The following ARHGEF17 variants were observed in gnomAD, a reference collection of about 807,000 sequenced individuals.
The protein encoded by ARHGEF17 is 164 kDa Rho-specific guanine-nucleotide exchange factor.
In ARHGEF17, 80 loss-of-function variants were observed where a neutral mutation model predicts 174.0. That is an observed-to-expected ratio of 0.46 (90% CI 0.38 to 0.55). The LOEUF (loss-of-function observed/expected upper bound fraction) is 0.55, where lower values mean the gene tolerates loss of function less well. ARHGEF17 is among the 20% of genes least tolerant of loss of function. The pLI is 0.00. For synonymous variants in ARHGEF17, 1,311 were observed against 1,189.1 expected, an observed-to-expected ratio of 1.10 and a Z score of -2.11; for missense variants, 2,886 against 2,839.7, an observed-to-expected ratio of 1.02 and a Z score of -0.37.
intron 20 of ARHGEF17, among the ~76,000 whole-genome samples, chr11:73,367,324 G>GA (rs969258744): frequency 1.3e-5 from 2 of 152,096 alleles, no homozygotes; most frequent in Non-Finnish European, 2.9e-5. Flanking sequence ...ATTGTAAAAA[G>GA]AAAAAAATCA....
In ARHGEF17 at chr11:73,311,665, G is replaced by C; in HGVS notation, c.3027G>C (p.Gln1009His). 1 of 1,613,444 alleles carries C rather than the reference G, an allele frequency of 6.2e-7. No homozygotes were observed. The highest frequency in any genetic ancestry group is 1.6e-4 in the Middle Eastern group (1 of 6,062). The change falls in exon 1 of 21, where the codon CAG becomes CAC. Residue 1009 changes from glutamine (Q) to histidine (H), a missense_variant. Around this residue, in one of 4 missense-constraint regions of ARHGEF17, gnomAD observed 1,728 missense variants for 1,461.2 expected, o/e 1.18. Coordinates refer to ENST00000263674, the MANE Select transcript of ARHGEF17 (RefSeq NM_014786.4). ...QAPSLEDVTK[Q>H]YMLNLHSGEV... ...CATCGCTCGAGGACGTCACCAAGCA[G>C]TACATGCTGAACCTGCACTCCGGTG...
At chr11:73,328,249 G>A (rs79750886) in intron 1 of ARHGEF17, among the ~76,000 whole-genome samples, 1,806 of 152,308 alleles carry the variant, frequency 0.012, 41 homozygotes, top group African/African-American at 0.041. Context: ...CCCACGGGCA[G>A]CTGTCCAAAG....
Position 73,357,327 on chromosome 11 carries a change from G to A in ARHGEF17, c.4087G>A (p.Gly1363Arg), listed in dbSNP as rs1303580725. The A allele has an allele frequency of 1.9e-6, 3 of 1,613,340 alleles. No homozygotes were observed. The highest frequency in any genetic ancestry group is 2.5e-6 in the Non-Finnish European group (3 of 1,179,636). Residue 1363 changes from glycine to arginine, a missense_variant and splice_region_variant, in exon 9 of 21, where the codon GGG (glycine) becomes AGG (arginine). By Grantham distance (125) the Gly-to-Arg change is moderately radical (BLOSUM62 -2). This residue lies in a region of ARHGEF17 where 353 missense variants were observed against 470.3 expected (regional missense o/e 0.75). Coordinates refer to ENST00000263674, the MANE Select transcript of ARHGEF17 (RefSeq NM_014786.4). ...GCTGGAAGACGCAGACATCATCAAAGGTGGGTTTGATGCTAGGGGTTCTGG... is the reference window on the plus strand; with the variant it reads ...GCTGGAAGACGCAGACATCATCAAAAGTGGGTTTGATGCTAGGGGTTCTGG... ...LPLEDADIIK[G>R]ASQATNRENI...
intron 1 of ARHGEF17, among the ~76,000 whole-genome samples, chr11:73,315,248 T>C (rs1254055349): frequency 6.6e-6 from 1 of 152,132 alleles, no homozygotes; most frequent in Non-Finnish European, 1.5e-5. Flanking sequence ...AACACTTTCA[T>C]AGTGGTTATT....
At chr11:73,362,943 C>T (rs1380935432) in intron 14 of ARHGEF17, among the ~76,000 whole-genome samples, 2 of 152,212 alleles carry the variant, frequency 1.3e-5, no homozygotes, top group African/African-American at 4.8e-5. Flanking sequence ...CTGGAGCACT[C>T]AGCTAAGGAA....
At chr11:73,336,454 T>G (rs995597131) in intron 1 of ARHGEF17, among the ~76,000 whole-genome samples, 1 of 151,798 alleles carries the variant, frequency 6.6e-6, no homozygotes, top group African/African-American at 2.4e-5. Context: ...GGGCTAAGAG[T>G]GCACCAGCAA....
chr11:73,309,558 G>C lies in ARHGEF17; in HGVS notation c.920G>C (p.Arg307Thr). The C allele has an allele frequency of 1.9e-6, 3 of 1,606,280 alleles. No homozygotes were observed. Among genetic ancestry groups the C allele is most frequent in the Non-Finnish European group, 2.6e-6 (3 of 1,174,648 alleles). The change falls in exon 1 of 21, where the codon AGG becomes ACG. Residue 307 changes from arginine to threonine, a missense_variant. Arg to Thr is a moderately conservative substitution (Grantham distance 71, BLOSUM62 -1). This residue lies in a region of ARHGEF17 where 1,728 missense variants were observed against 1,461.2 expected (regional missense o/e 1.18). Coordinates refer to ENST00000263674, the MANE Select transcript of ARHGEF17 (RefSeq NM_014786.4). ...AGCTCCCTATTGGATCAGGACTGCA[G>C]GCCTGACAGTGATGGGTTAAATCTA... ...PGSSLLDQDC[R>T]PDSDGLNLSS...
chr11:73,320,264 A>G (rs1461371974), intron 1 of ARHGEF17, among the ~76,000 whole-genome samples: 1 of 152,124 alleles, frequency 6.6e-6, no homozygotes, highest in Non-Finnish European at 1.5e-5. Flanking sequence ...GACCCAGGCA[A>G]GCACTTACCT....
chr11:73,362,380 C>T (rs1865757411), intron 13 of ARHGEF17, 53 bp from the exon 14 acceptor site: 5 of 1,474,238 alleles, frequency 3.4e-6, no homozygotes, highest in South Asian at 1.4e-5. Flanking sequence ...TGTCCACCAC[C>T]GGGGCCCCGT....
intron 1 of ARHGEF17, among the ~76,000 whole-genome samples, chr11:73,317,457 T>TC (rs1291851541): frequency 2.0e-4 from 31 of 152,216 alleles, no homozygotes; most frequent in African/African-American, 6.8e-4. Context: ...GTGTCCTGAC[T>TC]CCCAGACCGT....
rs754527923 is a variant in ARHGEF17 at position 73,363,784 on chromosome 11, C to T, written c.5284C>T (p.Arg1762Cys). The change falls in exon 16 of 21, where the codon CGC (arginine) becomes TGC (cysteine). Residue 1762 changes from arginine to cysteine, a missense_variant. Arg to Cys is a radical substitution (Grantham distance 180). Around this residue, in one of 4 missense-constraint regions of ARHGEF17, gnomAD observed 329 missense variants for 435.2 expected, o/e 0.76. Coordinates refer to ENST00000263674, the MANE Select transcript of ARHGEF17 (RefSeq NM_014786.4). The stretch of plus-strand genomic sequence containing the variant: ...CCAGTCCTCCGACAGCATCCGTGAC[C>T]GCAGGAACAGCATGAAGCTCCAGCA... ...VYQSSDSIRD[R>C]RNSMKLQHAA... 3.7e-6 allele frequency: 6 copies of T among 1,614,078 alleles called. No homozygotes were observed. The highest frequency in any genetic ancestry group is 5.1e-6 in the Non-Finnish European group (6 of 1,180,014).
chr11:73,334,299 A>G (rs553117075), intron 1 of ARHGEF17, among the ~76,000 whole-genome samples: 6 of 152,340 alleles, frequency 3.9e-5, no homozygotes, highest in Admixed American at 1.3e-4. Flanking sequence ...GAGGCAGAGC[A>G]TAAAAGTTAG....
At position 73,309,336 on chromosome 11, in the gene ARHGEF17, C is replaced by G; in HGVS notation, c.698C>G (p.Ser233Cys). 3.7e-6 allele frequency: 6 copies of G among 1,610,412 alleles called. No individual in the cohort carries two copies. Among genetic ancestry groups the G allele is most frequent in the Non-Finnish European group, 5.1e-6 (6 of 1,179,024 alleles). The change falls in exon 1 of 21, where the codon TCC becomes TGC. Residue 233 changes from serine (S) to cysteine (C), a missense_variant. By Grantham distance (112) the Ser-to-Cys change is moderately radical (BLOSUM62 -1). Coordinates refer to ENST00000263674, the MANE Select transcript of ARHGEF17 (RefSeq NM_014786.4). The part of the protein sequence containing the change: ...PQAGARASCS[S>C]SSIAASYPVS... ...GCCGGGGCCCGGGCCTCCTGCTCCT[C>G]CTCCTCCATCGCCGCCTCCTATCCT...
At chr11:73,361,932 A>ATGCAGG in intron 12 of ARHGEF17, 108 bp from the exon 13 acceptor site, 1 of 1,305,270 alleles carries the variant, frequency 7.7e-7, no homozygotes, top group Non-Finnish European at 1.1e-6. Flanking sequence ...ACACACACAC[A>ATGCAGG]CCCATGCAGG....
chr11:73,329,369 A>ATT (rs1865163692), intron 1 of ARHGEF17, among the ~76,000 whole-genome samples: 1 of 2,916 alleles, frequency 3.4e-4, no homozygotes. Context: ...ATATATATAT[A>ATT]TATATTTTTT....
At chr11:73,314,502 T>C (rs1864896681) in intron 1 of ARHGEF17, among the ~76,000 whole-genome samples, 1 of 151,972 alleles carries the variant, frequency 6.6e-6, no homozygotes, top group Admixed American at 6.6e-5. Flanking sequence ...ATCTGTACAG[T>C]GGGAGGTTAG....
Position 73,319,851 on chromosome 11 carries a change from G to A in ARHGEF17, c.3192+8021G>A, listed in dbSNP as rs373350996. ...CAGAGCCCAGGCCTGGTGGGGCAGGGGCAGAAGTGCCAATGTGTTCCTGGG... is the reference window on the plus strand; with the variant it reads ...CAGAGCCCAGGCCTGGTGGGGCAGGAGCAGAAGTGCCAATGTGTTCCTGGG... On this transcript the variant is annotated intron_variant, in intron 1 of 20. Transcript: ENST00000263674. Among the ~76,000 whole-genome samples the A allele has an allele frequency of 3.3e-5, 5 of 152,306 alleles. No individual in the cohort carries two copies. The East Asian group carries it at 9.6e-4, about 29-fold the overall frequency.
At chr11:73,364,069 G>T in intron 16 of ARHGEF17, 103 bp from the exon 17 acceptor site, 1 of 1,250,022 alleles carries the variant, frequency 8.0e-7, no homozygotes. Flanking sequence ...GGAAGAGGTG[G>T]CCTCTCGGGA....
Position 73,357,083 on chromosome 11 carries a change from G to A in ARHGEF17, c.3950G>A (p.Cys1317Tyr). 1 of 1,614,196 alleles carries A rather than the reference G, an allele frequency of 6.2e-7. No homozygotes were observed. The highest frequency in any genetic ancestry group is 1.1e-5 in the South Asian group (1 of 91,086). ...TTCCTGTTCACGGACCTCATCGTCT[G>A]CACCACTCTGAAGCGAAAGTCAGGC... ...SLFLFTDLIV[C>Y]TTLKRKSGSL... is the part of the protein sequence containing the mutation. Residue 1317 changes from cysteine to tyrosine, a missense_variant, in exon 8 of 21, where the codon TGC becomes TAC. Physicochemically the swap from Cys to Tyr is radical, Grantham distance 194 (BLOSUM62 -2). Transcript: ENST00000263674.
Sources: allele counts gnomAD v4.1 joint callset (sites outside exome capture counted in the v4.1 genomes callset), GRCh38; gene constraint gnomAD v4.1.1; regional missense constraint gnomAD v4.1.1; transcripts MANE v1.5; gene names NCBI Gene and HGNC (gene_info 2026-07-23, HGNC 2026-07-21).